The following MACF1 variants were observed in gnomAD, a reference collection of about 807,000 sequenced individuals.
MACF1 encodes microtubule-actin cross-linking factor 1.
Under a neutral mutation model 854.8 loss-of-function variants are expected in MACF1, and 193 were observed. That is an observed-to-expected ratio of 0.23 (90% confidence interval 0.20 to 0.25). MACF1 has a LOEUF of 0.25. MACF1 is among the 10% of genes least tolerant of loss of function. The pLI, the probability that MACF1 is intolerant of heterozygous loss-of-function variation, is 1.00. For synonymous variants in MACF1, 3,185 were observed against 3,226.7 expected, an observed-to-expected ratio of 0.99 and a Z score of 0.44; for missense variants, 7,722 against 8,929.1, an observed-to-expected ratio of 0.86 and a Z score of 5.45.
At chr1:39,415,236 A>G (rs1163290606) in intron 58 of MACF1, among the ~76,000 whole-genome samples, 1 of 152,168 alleles carries the variant, frequency 6.6e-6, no homozygotes, top group Non-Finnish European at 1.5e-5. Flanking sequence ...GTCCTTAAGC[A>G]AGTCATTTTC....
At position 39,336,667 on chromosome 1, in the gene MACF1, T is replaced by C. The variant is rs1435561235; in HGVS notation, c.10065+14T>C. On this transcript the variant is annotated intron_variant, in intron 37 of 100. Coordinates refer to ENST00000564288, the MANE Select transcript of MACF1 (RefSeq NM_001394062.1). ...AGAGCAACTCAGGTCAGTGGTGTGC[T>C]TTTTTTTTTTTCTTCCTAAAGATAC... 2 of 535,600 alleles carry C rather than the reference T, an allele frequency of 3.7e-6. No individual in the cohort carries two copies. The highest frequency in any genetic ancestry group is 5.2e-6 in the Non-Finnish European group (2 of 383,388). The allele number at this position is 535,600 out of a possible 1,614,324, so 33.2% of individuals were successfully genotyped here. A position where few individuals can be genotyped will look rare whatever the true frequency, so the allele number is the denominator to read the frequency against.
intron 2 of MACF1, among the ~76,000 whole-genome samples, chr1:39,156,988 A>G (rs1643703209): frequency 7.0e-6 from 1 of 143,680 alleles, no homozygotes; most frequent in African/African-American, 2.6e-5. Context: ...TTTTTCCTCT[A>G]AGTTGGGGTC....
intron 12 of MACF1, 37 bp downstream of exon 12, chr1:39,285,247 A>G: frequency 1.2e-6 from 2 of 1,614,176 alleles, no homozygotes; most frequent in Non-Finnish European, 1.7e-6. Context: ...GACATTATTT[A>G]TTGAGCTGCT....
At chr1:39,128,503 T>C (rs1432113074) in intron 2 of MACF1, among the ~76,000 whole-genome samples, 1 of 152,124 alleles carries the variant, frequency 6.6e-6, no homozygotes, top group Non-Finnish European at 1.5e-5. Context: ...AAGACCATCC[T>C]GGCTAGCACG....
intron 2 of MACF1, among the ~76,000 whole-genome samples, chr1:39,134,854 T>G (rs1643124205): frequency 6.6e-6 from 1 of 152,212 alleles, no homozygotes; most frequent in African/African-American, 2.4e-5. Context: ...TACATTCACT[T>G]GATTGTTGTG....
rs1644254773 is a variant in MACF1, at chr1:39,447,564, C to G, written c.19738C>G (p.Leu6580Val). The G allele has an allele frequency of 1.2e-6, 2 of 1,614,028 alleles. No individual in the cohort carries two copies. The highest frequency in any genetic ancestry group is 1.3e-5 in the African/African-American group (1 of 74,906). ...SPPSLILNTV[L>V]SQIEEHKVFA... ...ACCAAGCCTGATTCTAAATACTGTC[C>G]TTTCCCAGATAGAAGAGCACAAGGT... is the stretch of plus-strand genomic sequence containing the variant. Residue 6580 changes from leucine (L) to valine (V), a missense_variant, in exon 81 of 101, where the codon CTT (leucine) becomes GTT (valine). Coordinates refer to ENST00000564288, the MANE Select transcript of MACF1 (RefSeq NM_001394062.1).
intron 55 of MACF1, 95 bp downstream of exon 55, chr1:39,380,468 T>C (rs965818961): frequency 7.8e-7 from 1 of 1,280,136 alleles, no homozygotes; most frequent in African/African-American, 1.5e-5. Context: ...GGAATTATTT[T>C]TAGTTAATTT....
intron 2 of MACF1, among the ~76,000 whole-genome samples, chr1:39,133,615 G>C (rs1643074567): frequency 6.6e-6 from 1 of 151,480 alleles, no homozygotes; most frequent in South Asian, 2.1e-4. Context: ...TATAAAAATT[G>C]TATATCTTTA....
intron 26 of MACF1, among the ~76,000 whole-genome samples, chr1:39,313,312 G>A (rs1266746979): frequency 6.6e-6 from 1 of 152,102 alleles, no homozygotes; most frequent in Non-Finnish European, 1.5e-5. Flanking sequence ...TAATTACTGA[G>A]TATCCTATGG....
chr1:39,422,256 T>G, intron 58 of MACF1, 118 bp from the exon 59 acceptor site: 1 of 750,210 alleles, frequency 1.3e-6, no homozygotes, highest in Non-Finnish European at 2.1e-6. Flanking sequence ...TGTTCTTTCT[T>G]TTTATTCCTG....
At chr1:39,274,773 C>T (rs1476811014) in intron 6 of MACF1, among the ~76,000 whole-genome samples, 1 of 152,174 alleles carries the variant, frequency 6.6e-6, no homozygotes. Context: ...TAACTTGGAA[C>T]AGGTTACTAA....
At chr1:39,182,476 T>G (rs1364471005) in intron 2 of MACF1, among the ~76,000 whole-genome samples, 2 of 152,094 alleles carry the variant, frequency 1.3e-5, no homozygotes, top group Admixed American at 6.5e-5. Context: ...GGGACTTATA[T>G]CCAAAATATA....
rs373244652 is a variant in MACF1, at chr1:39,336,364, T to C, written c.9776T>C (p.Val3259Ala). ...GLEAGSIEDI[V>A]TQRGSRVLGS... is the part of the protein sequence containing the mutation. The stretch of plus-strand genomic sequence containing the variant: ...GAAGCAGGATCCATTGAGGACATAG[T>C]GACTCAGAGAGGTTCCAGAGTCTTG... The change falls in exon 37 of 101, where the codon GTG becomes GCG. Residue 3259 changes from valine (V) to alanine (A), a missense_variant. Coordinates refer to ENST00000564288, the MANE Select transcript of MACF1 (RefSeq NM_001394062.1). 1 of 1,614,214 alleles carries C rather than the reference T, an allele frequency of 6.2e-7. No homozygotes were observed.
intron 58 of MACF1, among the ~76,000 whole-genome samples, chr1:39,392,694 A>T (rs192898142): frequency 1.3e-5 from 2 of 152,202 alleles, no homozygotes; most frequent in Non-Finnish European, 2.9e-5. Flanking sequence ...AGTCTTGCTG[A>T]TAGATCCATG....
At position 39,324,184 on chromosome 1, in the gene MACF1, C is replaced by A; in HGVS notation, c.4237-9C>A. On this transcript the variant is annotated splice_polypyrimidine_tract_variant and intron_variant, in intron 33 of 100. Coordinates refer to ENST00000564288, the MANE Select transcript of MACF1 (RefSeq NM_001394062.1). Reference sequence around the variant, plus strand: ...TGCTAGCATATTGATTTTCTATTTCCTATTCTAGAAAGTGGTAGAAGAGGA... The same window carrying A: ...TGCTAGCATATTGATTTTCTATTTCATATTCTAGAAAGTGGTAGAAGAGGA... The A allele has an allele frequency of 6.3e-7, 1 of 1,576,510 alleles. No homozygotes were observed. Among genetic ancestry groups the A allele is most frequent in the Non-Finnish European group, 8.6e-7 (1 of 1,164,776 alleles).
chr1:39,332,149 C>A lies in MACF1; in HGVS notation c.5561C>A (p.Pro1854His), dbSNP rs772771613. ...TGGTCATTCATGGGGTTGCTGTGGC[C>A]TGAATCTGGAGAGATCCTCCCAATT... Reference protein sequence around the residue: ...SLWSFMGLLWPESGEILPITD... With the variant: ...SLWSFMGLLWHESGEILPITD... Residue 1854 changes from proline (P) to histidine (H), a missense_variant, in exon 37 of 101, where the codon CCT becomes CAT. Pro to His is a moderately conservative substitution (Grantham distance 77). This residue lies in a region of MACF1 where 1,531 missense variants were observed against 1,601.6 expected (regional missense o/e 0.96). Transcript: ENST00000564288. 1.2e-6 allele frequency: 2 copies of A among 1,614,014 alleles called. No individual in the cohort carries two copies. Among genetic ancestry groups the A allele is most frequent in the Non-Finnish European group, 1.7e-6 (2 of 1,180,008 alleles).
intron 2 of MACF1, among the ~76,000 whole-genome samples, chr1:39,172,944 A>G (rs193161584): frequency 6.6e-6 from 1 of 152,324 alleles, no homozygotes; most frequent in Admixed American, 6.5e-5. Context: ...TTGCTGACCC[A>G]TTTAACAGAA....
chr1:39,442,634 T>C, intron 77 of MACF1, 67 bp downstream of exon 77: 1 of 1,608,984 alleles, frequency 6.2e-7, no homozygotes, highest in Non-Finnish European at 8.5e-7. Flanking sequence ...ACCAGCAGCC[T>C]TTGAATGTTG....
chr1:39,484,884 A>C, intron 100 of MACF1, 154 bp downstream of exon 100: 1 of 819,098 alleles, frequency 1.2e-6, no homozygotes, highest in Non-Finnish European at 2.0e-6. Context: ...AGTGACCTTT[A>C]CTTTTTCTGT....
Sources: allele counts gnomAD v4.1 joint callset (sites outside exome capture counted in the v4.1 genomes callset), GRCh38; gene constraint gnomAD v4.1.1; regional missense constraint gnomAD v4.1.1; transcripts MANE v1.5; gene names NCBI Gene and HGNC (gene_info 2026-07-23, HGNC 2026-07-21).